The following GSG1L variants were observed in gnomAD, a reference collection of about 807,000 sequenced individuals.
GSG1L encodes the protein GSG1 like.
In GSG1L, 24 loss-of-function variants were observed where a neutral mutation model predicts 42.1. The observed-to-expected ratio is 0.57, with a 90% CI of 0.41 to 0.80. GSG1L has a LOEUF of 0.80. GSG1L is among the 30% of genes least tolerant of loss of function. The pLI, the probability that GSG1L is intolerant of heterozygous loss-of-function variation, is 0.00. For synonymous variants in GSG1L, 215 were observed against 203.5 expected (o/e 1.06, Z -0.48); for missense variants, 445 against 472.2 (o/e 0.94, Z 0.53).
chr16:27,919,729 C>T (rs2084502877), intron 2 of GSG1L, among the ~76,000 whole-genome samples: 1 of 152,118 alleles, frequency 6.6e-6, no homozygotes, highest in Non-Finnish European at 1.5e-5. Context: ...ACATGGGTGC[C>T]CAATGGAGAA....
intron 1 of GSG1L, among the ~76,000 whole-genome samples, chr16:28,048,227 C>G (rs563384271): frequency 5.9e-5 from 9 of 151,418 alleles, no homozygotes; most frequent in African/African-American, 2.2e-4. Context: ...GACTCTGCCT[C>G]AAAAATATAT....
chr16:28,012,105 G>A (rs1234733662), intron 1 of GSG1L, among the ~76,000 whole-genome samples: 5 of 152,024 alleles, frequency 3.3e-5, no homozygotes, highest in African/African-American at 1.2e-4. Flanking sequence ...CTCTGCTCTG[G>A]TCTCAGATTT....
chr16:28,008,959 C>T (rs2085678713), intron 1 of GSG1L, among the ~76,000 whole-genome samples: 1 of 152,154 alleles, frequency 6.6e-6, no homozygotes, highest in Non-Finnish European at 1.5e-5. Flanking sequence ...CAGTTACCCG[C>T]CACCACGCCT....
At chr16:28,042,587 C>A (rs2086119169) in intron 1 of GSG1L, among the ~76,000 whole-genome samples, 1 of 152,052 alleles carries the variant, frequency 6.6e-6, no homozygotes, top group Non-Finnish European at 1.5e-5. Context: ...TCAAAGAGAA[C>A]CCACTCACTC....
At chr16:27,842,049 T>C (rs1186277254) in intron 4 of GSG1L, among the ~76,000 whole-genome samples, 1 of 152,176 alleles carries the variant, frequency 6.6e-6, no homozygotes, top group Non-Finnish European at 1.5e-5. Flanking sequence ...CATGTTAAAT[T>C]TCATATCAGT....
At position 27,874,441 on chromosome 16, in the gene GSG1L, CTTTTTTTTTTT is replaced by C. The variant is rs71140916; in HGVS notation, c.550+10034_550+10044del. Among the ~76,000 whole-genome samples, 322 of 94,456 alleles carry C rather than the reference CTTTTTTTTTTT, an allele frequency of 3.4e-3. 5 individuals carry two copies. Among genetic ancestry groups the C allele is most frequent in the African/African-American group, 0.011 (294 of 26,970 alleles). The allele number at this position is 94,456 out of a possible 152,430, so 62.0% of individuals were successfully genotyped here. A position where few individuals can be genotyped will look rare whatever the true frequency, so the allele number is the denominator to read the frequency against. ...TCTGGACACTGAAGCACAGGAGAGCCTTTTTTTTTTTTTTTTTTTTTTTTTTTTTGGACAGG... is the reference window on the plus strand; with the variant it reads ...TCTGGACACTGAAGCACAGGAGAGCCTTTTTTTTTTTTTTTTTTGGACAGG... On this transcript the variant is annotated intron_variant, in intron 3 of 6. Transcript: ENST00000447459.
intron 1 of GSG1L, among the ~76,000 whole-genome samples, chr16:28,005,364 T>G (rs2085627082): frequency 6.6e-6 from 1 of 152,190 alleles, no homozygotes; most frequent in African/African-American, 2.4e-5. Flanking sequence ...TCTGCCCTCC[T>G]CCGCCTCCCA....
chr16:27,912,323 G>A (rs2084401416), intron 2 of GSG1L, among the ~76,000 whole-genome samples: 4 of 152,142 alleles, frequency 2.6e-5, no homozygotes, highest in Admixed American at 6.5e-5. Flanking sequence ...AGACCAACCT[G>A]GGCAACATAG....
At chr16:27,954,625 G>A (rs1041915875) in intron 2 of GSG1L, among the ~76,000 whole-genome samples, 5 of 152,120 alleles carry the variant, frequency 3.3e-5, no homozygotes, top group Non-Finnish European at 5.9e-5. Context: ...GTGACAGTGC[G>A]TATGGGTTCA....
intron 5 of GSG1L, among the ~76,000 whole-genome samples, chr16:27,816,052 A>G (rs981073461): frequency 7.2e-5 from 11 of 152,140 alleles, no homozygotes; most frequent in African/African-American, 2.7e-4. Flanking sequence ...TATTATCACC[A>G]TATTATTGTT....
chr16:27,805,887 G>A (rs958647703), intron 6 of GSG1L, among the ~76,000 whole-genome samples: 14 of 151,830 alleles, frequency 9.2e-5, no homozygotes, highest in African/African-American at 3.4e-4. Flanking sequence ...CTCTTCCAGT[G>A]GTAGGGACCT....
intron 3 of GSG1L, among the ~76,000 whole-genome samples, chr16:27,846,274 G>A (rs1180040228): frequency 6.6e-6 from 1 of 152,104 alleles, no homozygotes; most frequent in African/African-American, 2.4e-5. Context: ...CTTTATTACT[G>A]CCCAATGCTG....
At chr16:27,882,833 T>A (rs1374419079) in intron 3 of GSG1L, among the ~76,000 whole-genome samples, 1 of 152,166 alleles carries the variant, frequency 6.6e-6, no homozygotes, top group Non-Finnish European at 1.5e-5. Context: ...TGGCCAGACG[T>A]GGTGGCTCAC....
At chr16:28,044,380 C>T (rs1017053921) in intron 1 of GSG1L, among the ~76,000 whole-genome samples, 2 of 152,180 alleles carry the variant, frequency 1.3e-5, no homozygotes, top group African/African-American at 4.8e-5. Context: ...TATACCCTTA[C>T]CAAACTATCC....
chr16:27,856,226 C>G (rs966681655), intron 3 of GSG1L, among the ~76,000 whole-genome samples: 2 of 152,178 alleles, frequency 1.3e-5, no homozygotes, highest in African/African-American at 4.8e-5. Flanking sequence ...GCCAAATATC[C>G]TTGTGGTGGG....
At chr16:27,859,149 C>T (rs572882230) in intron 3 of GSG1L, among the ~76,000 whole-genome samples, 1 of 152,092 alleles carries the variant, frequency 6.6e-6, no homozygotes, top group African/African-American at 2.4e-5. Flanking sequence ...CACTGTCTGC[C>T]TTATCCCATT....
intron 2 of GSG1L, among the ~76,000 whole-genome samples, chr16:27,962,950 C>A (rs2085086559): frequency 6.6e-6 from 1 of 152,190 alleles, no homozygotes; most frequent in Non-Finnish European, 1.5e-5. Context: ...ACAGGGAGGG[C>A]AGACAGTCCC....
intron 1 of GSG1L, among the ~76,000 whole-genome samples, chr16:28,016,025 C>T (rs901453905): frequency 6.6e-6 from 1 of 152,210 alleles, no homozygotes; most frequent in African/African-American, 2.4e-5. Flanking sequence ...GAGTCTTGCT[C>T]TGTCACCCAG....
intron 1 of GSG1L, among the ~76,000 whole-genome samples, chr16:28,027,792 G>A (rs2085916444): frequency 6.6e-6 from 1 of 152,132 alleles, no homozygotes; most frequent in Non-Finnish European, 1.5e-5. Flanking sequence ...AGGACAAGGT[G>A]GGAGCATCAC....
Sources: allele counts gnomAD v4.1 joint callset (sites outside exome capture counted in the v4.1 genomes callset), GRCh38; gene constraint gnomAD v4.1.1; transcripts MANE v1.5; gene names NCBI Gene and HGNC (gene_info 2026-07-23, HGNC 2026-07-21).